The following PSD3 variants were observed in gnomAD, a reference collection of about 807,000 sequenced individuals.
The protein encoded by PSD3 is pleckstrin and Sec7 domain containing 3, also known as PH and SEC7 domain-containing protein 3.
A neutral mutation model predicts 105.5 loss-of-function variants in PSD3; 49 were observed. That is an observed-to-expected ratio of 0.46 (90% CI 0.37 to 0.59). PSD3 has a LOEUF of 0.59. Among genes scored for constraint, PSD3 ranks in the 20% least tolerant of loss-of-function variants. The pLI, the probability that PSD3 is intolerant of heterozygous loss-of-function variation, is 0.00. For synonymous variants in PSD3, 557 were observed against 457.8 expected (o/e 1.22, Z -2.77); for missense variants, 1,561 against 1,263.8 (o/e 1.24, Z -3.57).
intron 11 of PSD3, among the ~76,000 whole-genome samples, chr8:18,603,618 T>C (rs1804596958): frequency 6.6e-6 from 1 of 152,248 alleles, no homozygotes; most frequent in East Asian, 1.9e-4. Flanking sequence ...TTTAGATCTG[T>C]GTGCCCACCC....
chr8:18,886,418 T>C (rs931753044), intron 2 of PSD3, among the ~76,000 whole-genome samples: 1 of 152,066 alleles, frequency 6.6e-6, no homozygotes, highest in African/African-American at 2.4e-5. Flanking sequence ...TGCAAAATGC[T>C]CTCCTCTATG....
intron 14 of PSD3, among the ~76,000 whole-genome samples, chr8:18,559,102 T>A (rs1246404237): frequency 6.6e-6 from 1 of 152,158 alleles, no homozygotes; most frequent in South Asian, 2.1e-4. Flanking sequence ...TTCTTACACA[T>A]GTCTCCTAGG....
chr8:18,564,171 G>A (rs1458456876), intron 14 of PSD3, among the ~76,000 whole-genome samples: 1 of 151,442 alleles, frequency 6.6e-6, no homozygotes, highest in African/African-American at 2.4e-5. Flanking sequence ...TTATTACTGG[G>A]ATTGACAGTG....
At chr8:18,891,171 C>T (rs1586342335) in intron 2 of PSD3, among the ~76,000 whole-genome samples, 1 of 152,086 alleles carries the variant, frequency 6.6e-6, no homozygotes, top group East Asian at 1.9e-4. Context: ...AAATATAAGG[C>T]AACTCTAAGT....
chr8:19,066,376 C>G lies in PSD3; in HGVS notation c.324+17830G>C, dbSNP rs2129477754. On this transcript the variant is annotated intron_variant, in intron 1 of 1. Coordinates refer to the PSD3 transcript ENST00000521475. ...TGGCTGGATATAGGCCATTTTGTCT[C>G]CCTCTTTTTTGAATTAGAAAGTAGC... is the stretch of plus-strand genomic sequence containing the variant. Among the ~76,000 whole-genome samples the G allele has an allele frequency of 2.6e-5, 4 of 152,314 alleles. 1 individual carries two copies. In the Middle Eastern group the frequency reaches 0.014, roughly 518 times the overall value.
intron 15 of PSD3, among the ~76,000 whole-genome samples, chr8:18,536,626 G>A (rs1799860583): frequency 6.6e-6 from 1 of 152,158 alleles, no homozygotes; most frequent in South Asian, 2.1e-4. Context: ...ATTTTCTGAT[G>A]CTTTTCCAAA....
intron 1 of PSD3, among the ~76,000 whole-genome samples, chr8:19,075,394 C>T (rs1829434633): frequency 6.6e-6 from 1 of 152,250 alleles, no homozygotes; most frequent in African/African-American, 2.4e-5. Flanking sequence ...TGAAGCACTG[C>T]ACCCAGCCTA....
intron 2 of PSD3, among the ~76,000 whole-genome samples, chr8:18,881,832 A>G (rs887860064): frequency 3.3e-5 from 5 of 152,238 alleles, no homozygotes; most frequent in African/African-American, 9.6e-5. Flanking sequence ...TCCAGAGCCT[A>G]TAACAATTTT....
In PSD3 at chr8:18,984,312, C is replaced by A. The variant is rs184937926; in HGVS notation, c.21+29251G>T. On this transcript the variant is annotated intron_variant, in intron 1 of 15. Transcript: ENST00000327040. ...AACCACATAACTGAACTACACAATTCTCAACAGATCCTTACTTAAAGCCCA... is the reference window on the plus strand; with the variant it reads ...AACCACATAACTGAACTACACAATTATCAACAGATCCTTACTTAAAGCCCA... Among the ~76,000 whole-genome samples, 34 of 152,056 alleles carry A rather than the reference C, an allele frequency of 2.2e-4. No individual in the cohort carries two copies. In the East Asian group the frequency reaches 6.2e-3, roughly 28 times the overall value.
intron 1 of PSD3, among the ~76,000 whole-genome samples, chr8:19,038,180 A>G (rs1178456422): frequency 6.6e-6 from 1 of 152,086 alleles, no homozygotes; most frequent in Non-Finnish European, 1.5e-5. Flanking sequence ...AAAAGCTCTT[A>G]ATAAGCTGGG....
At chr8:18,694,302 A>G (rs576793204) in intron 9 of PSD3, among the ~76,000 whole-genome samples, 2 of 152,302 alleles carry the variant, frequency 1.3e-5, no homozygotes, top group African/African-American at 4.8e-5. Context: ...ACAAAACTCA[A>G]ATTAACTAAA....
At chr8:18,938,828 T>C (rs912344533) in intron 1 of PSD3, among the ~76,000 whole-genome samples, 2 of 152,132 alleles carry the variant, frequency 1.3e-5, no homozygotes, top group Non-Finnish European at 2.9e-5. Flanking sequence ...GCTAAATAAC[T>C]TTTCCAAAGA....
chr8:18,856,667 T>G (rs1218256444), intron 4 of PSD3, among the ~76,000 whole-genome samples: 1 of 152,174 alleles, frequency 6.6e-6, no homozygotes, highest in East Asian at 1.9e-4. Flanking sequence ...GGCTTCTAAA[T>G]AGAGTAATTA....
At chr8:18,599,225 C>A (rs371625050) in intron 12 of PSD3, among the ~76,000 whole-genome samples, 8 of 152,232 alleles carry the variant, frequency 5.3e-5, no homozygotes, top group African/African-American at 1.9e-4. Flanking sequence ...CATAGACCAA[C>A]AGAATGGAAC....
intron 12 of PSD3, among the ~76,000 whole-genome samples, chr8:18,575,763 T>A (rs1802427499): frequency 6.6e-6 from 1 of 152,210 alleles, no homozygotes; most frequent in Non-Finnish European, 1.5e-5. Context: ...ATGTTCCTGT[T>A]ACTTTCTGTT....
chr8:18,649,421 C>T (rs1403603165), intron 10 of PSD3, among the ~76,000 whole-genome samples: 1 of 152,196 alleles, frequency 6.6e-6, no homozygotes, highest in Admixed American at 6.5e-5. Context: ...TTTCTTTTGG[C>T]TGCTTTCTTC....
intron 2 of PSD3, among the ~76,000 whole-genome samples, chr8:18,929,520 TG>T (rs1342813012): frequency 6.6e-6 from 1 of 151,930 alleles, no homozygotes; most frequent in African/African-American, 2.4e-5. Context: ...GCAGTTAGCA[TG>T]GGTCTAATCC....
chr8:18,714,890 T>A (rs1482974063), intron 9 of PSD3, among the ~76,000 whole-genome samples: 1 of 152,190 alleles, frequency 6.6e-6, no homozygotes, highest in Admixed American at 6.5e-5. Flanking sequence ...CAAATGTCCA[T>A]CAGTGATAGA....
chr8:18,949,235 AAAAAAAAAAATATAT>A (rs1263148998), intron 1 of PSD3, among the ~76,000 whole-genome samples: 6 of 81,640 alleles, frequency 7.3e-5, no homozygotes, highest in African/African-American at 2.9e-4. Flanking sequence ...AAAAAAAAAA[AAAAAAAAAAATATAT>A]ATATATATAT....
Sources: allele counts gnomAD v4.1 joint callset (sites outside exome capture counted in the v4.1 genomes callset), GRCh38; gene constraint gnomAD v4.1.1; transcripts MANE v1.5; gene names NCBI Gene and HGNC (gene_info 2026-07-23, HGNC 2026-07-21).